PHF21A: variants seen among roughly 807,000 people sequenced by gnomAD.
PHF21A encodes PHD finger protein 21A, also known as BHC80a.
Under a neutral mutation model 82.5 loss-of-function variants are expected in PHF21A, and 11 were observed. The observed-to-expected ratio is 0.13, with a 90% confidence interval of 0.08 to 0.22. PHF21A has a LOEUF of 0.22. Ranked by LOEUF, PHF21A falls within the 10% of genes least tolerant of loss-of-function variation. The pLI is 1.00. For synonymous variants in PHF21A, 297 were observed against 302.8 expected, an observed-to-expected ratio of 0.98 and a Z score of 0.20; for missense variants, 579 against 837.8, an observed-to-expected ratio of 0.69 and a Z score of 3.81.
intron 6 of PHF21A, among the ~76,000 whole-genome samples, chr11:45,989,454 A>C (rs1165113415): frequency 6.8e-6 from 1 of 146,538 alleles, no homozygotes; most frequent in African/African-American, 2.5e-5. Flanking sequence ...GGAGATCAAG[A>C]CCAACCTGGC....
intron 1 of PHF21A, among the ~76,000 whole-genome samples, chr11:46,106,360 C>T (rs977421566): frequency 1.3e-5 from 2 of 152,088 alleles, no homozygotes; most frequent in African/African-American, 4.8e-5. Context: ...GCAATAATTA[C>T]AATATGTTTT....
intron 6 of PHF21A, among the ~76,000 whole-genome samples, chr11:46,071,185 C>G (rs1034005006): frequency 6.6e-6 from 1 of 152,200 alleles, no homozygotes; most frequent in Non-Finnish European, 1.5e-5. Flanking sequence ...AAACCTGATG[C>G]CAGCAGAGTC....
intron 6 of PHF21A, among the ~76,000 whole-genome samples, chr11:46,055,890 G>A (rs1168786108): frequency 6.6e-6 from 1 of 152,076 alleles, no homozygotes; most frequent in East Asian, 1.9e-4. Context: ...GTTTTGTTTT[G>A]CTAATTCAGA....
At chr11:46,000,343 A>G (rs770380509) in intron 6 of PHF21A, among the ~76,000 whole-genome samples, 1 of 152,202 alleles carries the variant, frequency 6.6e-6, no homozygotes, top group Non-Finnish European at 1.5e-5. Context: ...TTCATACTCT[A>G]CTGAGAGTTG....
At chr11:46,007,019 T>C (rs1326291118) in intron 6 of PHF21A, among the ~76,000 whole-genome samples, 1 of 152,224 alleles carries the variant, frequency 6.6e-6, no homozygotes, top group African/African-American at 2.4e-5. Flanking sequence ...TTTTAATCTT[T>C]AGAGCGTTCC....
intron 6 of PHF21A, among the ~76,000 whole-genome samples, chr11:46,043,913 C>T (rs532104149): frequency 3.9e-5 from 6 of 152,064 alleles, no homozygotes; most frequent in Admixed American, 1.3e-4. Context: ...AAAGATGGAT[C>T]GCAGCAACTG....
At chr11:45,964,233 T>TAATAATAATAATAATAATA (rs1041257338) in intron 10 of PHF21A, among the ~76,000 whole-genome samples, 1 of 148,626 alleles carries the variant, frequency 6.7e-6, no homozygotes, top group African/African-American at 2.5e-5. Flanking sequence ...ATAATAATAA[T>TAATAATAATAATAATAATA]AATTTATTTC....
intron 1 of PHF21A, among the ~76,000 whole-genome samples, chr11:46,107,611 G>A (rs1221706147): frequency 1.3e-5 from 2 of 152,178 alleles, no homozygotes; most frequent in Non-Finnish European, 2.9e-5. Context: ...TGCAAGGAGT[G>A]TATTCTAGGA....
intron 7 of PHF21A, among the ~76,000 whole-genome samples, chr11:45,973,307 T>C (rs916316876): frequency 1.2e-4 from 18 of 152,340 alleles, no homozygotes; most frequent in African/African-American, 4.1e-4. Context: ...CTCCATTCTC[T>C]CAGAAACACA....
At chr11:46,094,878 G>A (rs540687225) in intron 1 of PHF21A, among the ~76,000 whole-genome samples, 23 of 152,036 alleles carry the variant, frequency 1.5e-4, no homozygotes, top group Non-Finnish European at 2.1e-4. Context: ...CCAGCCTGGC[G>A]ACAGAGTGAG....
intron 6 of PHF21A, among the ~76,000 whole-genome samples, chr11:46,043,916 A>C (rs2096207626): frequency 6.6e-6 from 1 of 152,232 alleles, no homozygotes; most frequent in African/African-American, 2.4e-5. Context: ...GATGGATCGC[A>C]GCAACTGCTT....
chr11:45,938,366 T>A, intron 15 of PHF21A, 54 bp from the exon 16 acceptor site: 1 of 1,439,192 alleles, frequency 6.9e-7, no homozygotes, highest in Non-Finnish European at 9.7e-7. Flanking sequence ...AAAATTTTAA[T>A]GTTAACATGC....
chr11:46,105,374 AC>A (rs1278437494), intron 1 of PHF21A, among the ~76,000 whole-genome samples: 2 of 152,164 alleles, frequency 1.3e-5, no homozygotes, highest in Non-Finnish European at 2.9e-5. Flanking sequence ...CTTTACAGGC[AC>A]ACAGGACATG....
chr11:46,036,300 A>G (rs541020867), intron 6 of PHF21A, among the ~76,000 whole-genome samples: 2 of 152,348 alleles, frequency 1.3e-5, no homozygotes, highest in South Asian at 4.1e-4. Flanking sequence ...ACAGTTCAGG[A>G]CATCCTGAGT....
chr11:45,937,361 T>C (rs2089328733), intron 16 of PHF21A, among the ~76,000 whole-genome samples: 1 of 152,224 alleles, frequency 6.6e-6, no homozygotes, highest in Non-Finnish European at 1.5e-5. Context: ...CGAGGGAGGC[T>C]AGGACAGTTA....
chr11:45,976,169 C>T (rs187839056), intron 7 of PHF21A, among the ~76,000 whole-genome samples: 6 of 152,222 alleles, frequency 3.9e-5, no homozygotes, highest in African/African-American at 7.2e-5. Flanking sequence ...ACTATTTTGA[C>T]GCCATCCTTT....
intron 6 of PHF21A, among the ~76,000 whole-genome samples, chr11:46,012,111 A>T (rs2095425721): frequency 6.6e-6 from 1 of 152,206 alleles, no homozygotes; most frequent in African/African-American, 2.4e-5. Context: ...ACTACCGGAA[A>T]GAATCCTTCA....
chr11:45,950,631 T>A (rs1259804616), intron 11 of PHF21A, among the ~76,000 whole-genome samples: 1 of 152,164 alleles, frequency 6.6e-6, no homozygotes, highest in African/African-American at 2.4e-5. Flanking sequence ...TTAGAAAGTT[T>A]GCTCTAGAGG....
intron 10 of PHF21A, among the ~76,000 whole-genome samples, chr11:45,961,497 G>A (rs2946000): frequency 0.87 from 132,727 of 152,160 alleles, 58,217 homozygotes; most frequent in East Asian, 1. Flanking sequence ...TGAAGATAAT[G>A]CATTGGATAA....
Sources: gnomAD v4.1 joint callset for allele counts (sites outside exome capture counted in the v4.1 genomes callset) on GRCh38, gnomAD v4.1.1 for gene constraint, MANE v1.5 for transcripts, NCBI Gene and HGNC (gene_info 2026-07-23, HGNC 2026-07-21) for gene names.